DENND2B: variants seen among roughly 807,000 people sequenced by gnomAD.
DENND2B encodes the protein DENN domain-containing protein 2B.
A neutral mutation model predicts 116.0 loss-of-function variants in DENND2B; 32 were observed. That is an observed-to-expected ratio of 0.28 (90% CI 0.21 to 0.37). DENND2B has a LOEUF of 0.37. Among genes scored for constraint, DENND2B ranks in the 10% least tolerant of loss-of-function variants. The pLI, the probability that DENND2B is intolerant of heterozygous loss-of-function variation, is 1.00. For missense variants in DENND2B, 1,276 were observed against 1,477.7 expected (o/e 0.86, Z 2.24); for synonymous variants, 588 against 583.9 (o/e 1.01, Z -0.10).
chr11:8,811,068 G>A (rs1046633119), upstream of DENND2B: 8 of 385,610 alleles, frequency 2.1e-5, no homozygotes, highest in Non-Finnish European at 3.2e-5. Flanking sequence ...CCAGGGGGGA[G>A]GGAGCTAGCT....
At chr11:8,803,670 C>A (rs1194705422) in intron 1 of DENND2B, among the ~76,000 whole-genome samples, 1 of 152,188 alleles carries the variant, frequency 6.6e-6, no homozygotes, top group Non-Finnish European at 1.5e-5. Flanking sequence ...GAGTGCCTTA[C>A]ATAAATTAAC....
chr11:8,841,838 C>T (rs1237199692), intron 3 of DENND2B, among the ~76,000 whole-genome samples: 5 of 152,184 alleles, frequency 3.3e-5, no homozygotes, highest in Admixed American at 2.0e-4. Context: ...TGATGTCTCT[C>T]TCCTCGATTC....
upstream of DENND2B, among the ~76,000 whole-genome samples, chr11:8,875,052 C>T (rs1030056487): frequency 2.0e-5 from 3 of 152,040 alleles, no homozygotes; most frequent in Non-Finnish European, 4.4e-5. Context: ...GGCCGGGCGC[C>T]GTGGCTCATG....
chr11:8,832,879 C>T lies in DENND2B; in HGVS notation c.-115+6431G>A, dbSNP rs114486764. 2.5e-3 allele frequency among the ~76,000 whole-genome samples: 376 copies of T among 152,340 alleles called. 8 individuals are homozygous for T. The highest frequency in any genetic ancestry group is 8.8e-3 in the African/African-American group (366 of 41,574). ...AGAACAAGCCTGGGCTGGCCCCAGA[C>T]GGCTTCCAGTAAGCAGCGGCTGCAC... On this transcript the variant is annotated intron_variant, in intron 4 of 6. Coordinates refer to the DENND2B transcript ENST00000524757.
At chr11:8,698,798 C>T (rs1368585346) in intron 16 of DENND2B, 135 bp downstream of exon 16, 3 of 1,062,244 alleles carry the variant, frequency 2.8e-6, no homozygotes, top group African/African-American at 1.5e-5. Flanking sequence ...CCAGCTTCTC[C>T]CCACCCTTGA....
At chr11:8,909,602 G>A (rs552913920) in intron 1 of DENND2B, 1 of 152,172 alleles carries the variant, frequency 6.6e-6, no homozygotes, top group East Asian at 1.9e-4. Flanking sequence ...GAAATGTTTT[G>A]GAATACCAAT....
chr11:8,853,853 A>T (rs888890491), intron 3 of DENND2B, among the ~76,000 whole-genome samples: 1 of 151,290 alleles, frequency 6.6e-6, no homozygotes, highest in Non-Finnish European at 1.5e-5. Context: ...CTATATTTTT[A>T]ATTTTTTTTT....
chr11:8,759,025 C>T (rs1017833086), intron 1 of DENND2B, among the ~76,000 whole-genome samples: 5 of 152,312 alleles, frequency 3.3e-5, no homozygotes, highest in African/African-American at 9.6e-5. Context: ...AGCTTTTGCT[C>T]AGTCCAGCCT....
At chr11:8,890,758 C>A (rs559261069) in intron 1 of DENND2B, among the ~76,000 whole-genome samples, 1 of 152,296 alleles carries the variant, frequency 6.6e-6, no homozygotes, top group South Asian at 2.1e-4. Flanking sequence ...ACCAAATCTA[C>A]ATCTGAGTGG....
intron 1 of DENND2B, among the ~76,000 whole-genome samples, chr11:8,805,438 T>C (rs953027897): frequency 1.3e-4 from 20 of 152,212 alleles, no homozygotes; most frequent in Admixed American, 7.9e-4. Flanking sequence ...GTTTTAAAAA[T>C]AGCTGACTTG....
intron 4 of DENND2B, among the ~76,000 whole-genome samples, chr11:8,818,419 T>A (rs2061652720): frequency 6.6e-6 from 1 of 151,854 alleles, no homozygotes. Context: ...TTAAGAGGAA[T>A]GTGGACTCAA....
intron 1 of DENND2B, among the ~76,000 whole-genome samples, chr11:8,806,908 C>CTTTTTTTTTTT (rs71059181): frequency 6.8e-6 from 1 of 146,496 alleles, no homozygotes; most frequent in Non-Finnish European, 1.5e-5. Context: ...GCCAGATGGT[C>CTTTTTTTTTTT]TTTTTTTTTT....
At chr11:8,843,555 A>G (rs922291714) in intron 3 of DENND2B, among the ~76,000 whole-genome samples, 1 of 152,214 alleles carries the variant, frequency 6.6e-6, no homozygotes, top group African/African-American at 2.4e-5. Context: ...GCACCCCTTC[A>G]GGGGTCATTC....
chr11:8,773,967 G>C (rs1278084988), intron 1 of DENND2B, among the ~76,000 whole-genome samples: 5 of 152,182 alleles, frequency 3.3e-5, no homozygotes, highest in South Asian at 2.1e-4. Context: ...GTGATCTTTG[G>C]GTATGAAACT....
At chr11:8,774,096 T>G in intron 1 of DENND2B, 9 of 985,036 alleles carry the variant, frequency 9.1e-6, no homozygotes, top group Non-Finnish European at 1.1e-5. Flanking sequence ...ACAGATTGAG[T>G]AAGATAGTGC....
intron 4 of DENND2B, among the ~76,000 whole-genome samples, chr11:8,724,651 C>CTGTTGGAAGACAAA (rs1250581804): frequency 4.6e-5 from 7 of 152,226 alleles, no homozygotes; most frequent in African/African-American, 1.7e-4. Context: ...CATGTCTTCC[C>CTGTTGGAAGACAAA]ACCTGTTGGA....
intron 14 of DENND2B, among the ~76,000 whole-genome samples, chr11:8,701,640 C>G (rs2041700833): frequency 6.6e-6 from 1 of 152,140 alleles, no homozygotes; most frequent in African/African-American, 2.4e-5. Flanking sequence ...CCCTAGTGTT[C>G]CTGCACTCAT....
At chr11:8,816,488 C>A (rs2061571547) in intron 4 of DENND2B, among the ~76,000 whole-genome samples, 1 of 150,962 alleles carries the variant, frequency 6.6e-6, no homozygotes, top group African/African-American at 2.4e-5. Flanking sequence ...GAGGTTAAGG[C>A]TGCAGAGAGA....
At chr11:8,778,582 G>A (rs1052923871) in intron 1 of DENND2B, among the ~76,000 whole-genome samples, 7 of 152,186 alleles carry the variant, frequency 4.6e-5, no homozygotes, top group Admixed American at 1.3e-4. Flanking sequence ...GCTGCTCCCC[G>A]CCTGCTTCCA....
Sources: allele counts gnomAD v4.1 joint callset (sites outside exome capture counted in the v4.1 genomes callset), GRCh38; gene constraint gnomAD v4.1.1; transcripts MANE v1.5; gene names NCBI Gene and HGNC (gene_info 2026-07-23, HGNC 2026-07-21).